GLMN: variants seen among roughly 807,000 people sequenced by gnomAD.
GLMN encodes glomulin.
In GLMN, 75 loss-of-function variants were observed where a neutral mutation model predicts 87.8. The observed-to-expected ratio is 0.85, with a 90% CI of 0.71 to 1.04. The LOEUF is 1.04. Ranked by LOEUF, GLMN falls within the 50% of genes least tolerant of loss-of-function variation. GLMN has a pLI of 0.00. For missense variants in GLMN, 588 were observed against 658.8 expected, an observed-to-expected ratio of 0.89 and a Z score of 1.18; for synonymous variants, 206 against 221.6, an observed-to-expected ratio of 0.93 and a Z score of 0.63.
chr1:92,264,658 T>C lies in GLMN; in HGVS notation c.1215-20A>G, dbSNP rs1570886233. The C allele has an allele frequency of 7.8e-7, 1 of 1,288,158 alleles. No individual in the cohort carries two copies. The highest frequency in any genetic ancestry group is 1.1e-6 in the Non-Finnish European group (1 of 882,982). 79.8% of individuals were successfully genotyped at this position (1,288,158 alleles called of 1,614,324 possible). A position where few individuals can be genotyped will look rare whatever the true frequency, so the allele number is the denominator to read the frequency against. On this transcript the variant is annotated intron_variant, in intron 13 of 18. Coordinates refer to ENST00000370360, the MANE Select transcript of GLMN (RefSeq NM_053274.3). ...AAGCACCTTGAAAGCAAAATTACAA[T>C]AGATGTGAAATTATCCTGGACAGCA...
At chr1:92,308,419 C>T in the GLMN span, among the ~76,000 whole-genome samples, 3 of 152,162 alleles carry the variant, frequency 2.0e-5, no homozygotes, top group Non-Finnish European at 4.4e-5. Flanking sequence ...ATATTTCTGT[C>T]ACTAGAGCTG....
chr1:92,252,505 T>C (rs1180352943), intron 16 of GLMN, among the ~76,000 whole-genome samples: 1 of 152,214 alleles, frequency 6.6e-6, no homozygotes, highest in African/African-American at 2.4e-5. Context: ...CTGTTTTCAA[T>C]GGCAATAGCC....
the GLMN span, among the ~76,000 whole-genome samples, chr1:92,353,106 G>A: frequency 2.5e-3 from 385 of 152,202 alleles, 3 homozygotes; most frequent in South Asian, 9.3e-3. Flanking sequence ...AAACATTTGG[G>A]TTATTTCCAT....
intron 16 of GLMN, among the ~76,000 whole-genome samples, chr1:92,252,576 T>C (rs1355014506): frequency 1.3e-5 from 2 of 152,192 alleles, no homozygotes; most frequent in Admixed American, 1.3e-4. Flanking sequence ...AGAAATTTTT[T>C]ACATATTCTG....
At chr1:92,262,990 A>C (rs1484626859) in intron 15 of GLMN, 64 bp from the exon 16 acceptor site, 3 of 701,682 alleles carry the variant, frequency 4.3e-6, no homozygotes, top group Non-Finnish European at 7.8e-6. Context: ...AATCTCAATA[A>C]GCTAAAACTT....
At chr1:92,275,230 C>T (rs1324593408) in intron 7 of GLMN, among the ~76,000 whole-genome samples, 2 of 152,158 alleles carry the variant, frequency 1.3e-5, no homozygotes, top group African/African-American at 4.8e-5. Flanking sequence ...ATTTCTACCT[C>T]CTCATTATTA....
the GLMN span, among the ~76,000 whole-genome samples, chr1:92,306,540 T>G: frequency 1.3e-5 from 2 of 152,210 alleles, no homozygotes; most frequent in Non-Finnish European, 2.9e-5. Flanking sequence ...CTACAACTAC[T>G]TGAATGAATC....
chr1:92,325,761 A>T, the GLMN span, among the ~76,000 whole-genome samples: 1 of 152,142 alleles, frequency 6.6e-6, no homozygotes, highest in Non-Finnish European at 1.5e-5. Context: ...CAAAATTAAT[A>T]TTATATTAGC....
intron 14 of GLMN, 40 bp downstream of exon 14, chr1:92,264,514 C>A (rs374003542): frequency 2.2e-6 from 2 of 928,076 alleles, no homozygotes; most frequent in East Asian, 2.4e-5. Context: ...ATATACCCTA[C>A]GAAATAAATT....
chr1:92,258,665 A>C (rs550595094), intron 16 of GLMN, among the ~76,000 whole-genome samples: 33 of 152,324 alleles, frequency 2.2e-4, no homozygotes, highest in Non-Finnish European at 4.6e-4. Flanking sequence ...AGAAAACCAA[A>C]CACCACATGT....
intron 1 of GLMN, 145 bp from the exon 2 acceptor site, chr1:92,298,174 C>T: frequency 1.7e-6 from 1 of 578,358 alleles, no homozygotes; most frequent in South Asian, 2.2e-5. Context: ...CAATAGCATG[C>T]TAGGAGAAAA....
At chr1:92,259,062 C>T (rs1654652906) in intron 16 of GLMN, among the ~76,000 whole-genome samples, 1 of 152,118 alleles carries the variant, frequency 6.6e-6, no homozygotes, top group South Asian at 2.1e-4. Flanking sequence ...GTGGCCTTTG[C>T]CATCTCATTG....
chr1:92,257,497 T>C (rs919308399), intron 16 of GLMN, among the ~76,000 whole-genome samples: 12 of 152,134 alleles, frequency 7.9e-5, no homozygotes, highest in African/African-American at 2.2e-4. Flanking sequence ...CTTCAAACTA[T>C]ACTACAGGGC....
At chr1:92,323,881 A>G in the GLMN span, 81 of 1,614,124 alleles carry the variant, frequency 5.0e-5, no homozygotes, top group Non-Finnish European at 6.9e-5. Context: ...TGAATACAGT[A>G]GGTCAGAAAT....
At chr1:92,303,567 T>TA (rs199676891), upstream of GLMN, among the ~76,000 whole-genome samples, 6 of 152,292 alleles carry the variant, frequency 3.9e-5, no homozygotes, top group South Asian at 1.0e-3. Context: ...GATTATGCTT[T>TA]AAAAAATAGG....
chr1:92,260,625 A>AG (rs1404333461), intron 16 of GLMN, among the ~76,000 whole-genome samples: 1 of 150,502 alleles, frequency 6.6e-6, no homozygotes, highest in African/African-American at 2.4e-5. Flanking sequence ...AAGAAAAAAA[A>AG]GAAGTGCCTG....
Position 92,262,881 on chromosome 1 carries a change from A to C in GLMN, c.1455T>G (p.Asp485Glu), listed in dbSNP as rs761994232. Reference protein sequence around the residue: ...LNLLRYLVIKDNENDNQTGLW... With the variant: ...LNLLRYLVIKENENDNQTGLW... ...CACTTACTTGATTGTCATTTTCATTATCTTTGATAACCAAATACCTCAATA... is the reference window on the plus strand; with the variant it reads ...CACTTACTTGATTGTCATTTTCATTCTCTTTGATAACCAAATACCTCAATA... Residue 485 changes from aspartate (D) to glutamate (E), a missense_variant, in exon 16 of 19, where the codon GAT (aspartate) becomes GAG (glutamate). Physicochemically the swap from Asp to Glu is conservative, Grantham distance 45 (BLOSUM62 2). Transcript: ENST00000370360. 1 of 1,160,074 alleles carries C rather than the reference A, an allele frequency of 8.6e-7. No homozygotes were observed. The highest frequency in any genetic ancestry group is 1.3e-6 in the Non-Finnish European group (1 of 771,006). The allele number at this position is 1,160,074 out of a possible 1,614,324, so 71.9% of individuals were successfully genotyped here.
the GLMN span, among the ~76,000 whole-genome samples, chr1:92,330,062 G>T: frequency 6.6e-6 from 1 of 152,170 alleles, no homozygotes; most frequent in Non-Finnish European, 1.5e-5. Context: ...TACCAAGGAA[G>T]TGCTGCTTGT....
the GLMN span, among the ~76,000 whole-genome samples, chr1:92,341,999 A>T: frequency 2.0e-5 from 3 of 152,158 alleles, no homozygotes; most frequent in African/African-American, 7.2e-5. Context: ...TCCTTATTTG[A>T]GCTAGCTCCT....
Sources: allele counts gnomAD v4.1 joint callset (sites outside exome capture counted in the v4.1 genomes callset), GRCh38; gene constraint gnomAD v4.1.1; transcripts MANE v1.5; gene names NCBI Gene and HGNC (gene_info 2026-07-23, HGNC 2026-07-21).